Variants in MUC5B observed in about 807,000 individuals in gnomAD.
MUC5B encodes the protein mucin-5B.
Under a neutral mutation model 376.9 loss-of-function variants are expected in MUC5B, and 116 were observed. That is an observed-to-expected ratio of 0.31 (90% CI 0.26 to 0.36). The LOEUF (loss-of-function observed/expected upper bound fraction) is 0.36, where lower values mean the gene tolerates loss of function less well. MUC5B is among the 10% of genes least tolerant of loss of function. MUC5B has a pLI of 1.00. For synonymous variants in MUC5B, 3,517 were observed against 3,390.9 expected, an observed-to-expected ratio of 1.04 and a Z score of -1.29; for missense variants, 7,165 against 7,769.9, an observed-to-expected ratio of 0.92 and a Z score of 2.93.
Position 1,240,883 on chromosome 11 carries a change from C to G in MUC5B, c.4003C>G (p.Arg1335Gly). Reference sequence around the variant, plus strand: ...CCTCCCGGTCTCCACCGTGTGTGTCCGCGAGGTCTGCCGCTGGTCCAGCTG... The same window carrying G: ...CCTCCCGGTCTCCACCGTGTGTGTCGGCGAGGTCTGCCGCTGGTCCAGCTG... ...PALPVSTVCVREVCRWSSWYN... is the reference protein window; with the variant it reads ...PALPVSTVCVGEVCRWSSWYN... The change falls in exon 31 of 49, where the codon CGC (arginine) becomes GGC (glycine). Residue 1335 changes from arginine to glycine, a missense_variant. Arg to Gly is a moderately radical substitution (Grantham distance 125). Around this residue, in one of 31 missense-constraint regions of MUC5B, gnomAD observed 517 missense variants for 545.3 expected, o/e 0.95. Coordinates refer to ENST00000529681, the MANE Select transcript of MUC5B (RefSeq NM_002458.3). The G allele has an allele frequency of 6.2e-7, 1 of 1,611,762 alleles. No homozygotes were observed. The highest frequency in any genetic ancestry group is 1.3e-5 in the African/African-American group (1 of 75,028).
intron 12 of MUC5B, 151 bp from the exon 13 acceptor site, chr11:1,230,785 G>A (rs1360718909): frequency 1.0e-6 from 1 of 1,003,030 alleles, no homozygotes; most frequent in Admixed American, 2.3e-5. Flanking sequence ...TCCTCCCGGG[G>A]GGGCAATTGC....
At position 1,235,422 on chromosome 11, in the gene MUC5B, G is replaced by T; in HGVS notation, c.2880+9G>T. The T allele has an allele frequency of 6.2e-7, 1 of 1,607,784 alleles. No individual in the cohort carries two copies. The highest frequency in any genetic ancestry group is 2.2e-5 in the East Asian group (1 of 44,718). ...TCAAGCTCTTCGTGGAGGTGAGAACGGCCCCAGCTGTGAGCACCCCCGACC... is the reference window on the plus strand; with the variant it reads ...TCAAGCTCTTCGTGGAGGTGAGAACTGCCCCAGCTGTGAGCACCCCCGACC... On this transcript the variant is annotated intron_variant, in intron 23 of 48. Transcript: ENST00000529681.
intron 32 of MUC5B, 34 bp from the exon 33 acceptor site, chr11:1,252,775 G>C: frequency 6.4e-7 from 1 of 1,571,168 alleles, no homozygotes; most frequent in Non-Finnish European, 8.6e-7. Flanking sequence ...CCGTGAGCTG[G>C]TCCAGGTGAG....
In MUC5B at chr11:1,245,888, C is replaced by A. The variant is rs1862443613; in HGVS notation, c.9008C>A (p.Thr3003Asn). The A allele has an allele frequency of 1.9e-6, 3 of 1,613,240 alleles. No homozygotes were observed. Among genetic ancestry groups the A allele is most frequent in the East Asian group, 2.2e-5 (1 of 44,864 alleles). ...LTEQTTAATT[T>N]ATTGSTAIPS... ...GAGCAGACCACAGCAGCCACTACGA[C>A]CGCAACCACTGGATCCACGGCCATC... Residue 3003 changes from threonine to asparagine, a missense_variant, in exon 31 of 49, where the codon ACC becomes AAC. By Grantham distance (65) the Thr-to-Asn change is moderately conservative. Transcript: ENST00000529681.
At position 1,227,373 on chromosome 11, in the gene MUC5B, G is replaced by C; in HGVS notation, c.642G>C (p.Pro214=). ...CGLCGDFNGL[P]AFNEFYAHNA... is the part of the protein sequence containing the mutation. ...TGTGTGGGGACTTCAACGGCCTCCC[G>C]GCCTTCAACGAGTTCTATGCCCACA... Residue 214 remains proline (P), a synonymous_variant, in exon 6 of 49, where the codon CCG becomes CCC. Transcript: ENST00000529681. 1 of 1,612,064 alleles carries C rather than the reference G, an allele frequency of 6.2e-7. No homozygotes were observed. Among genetic ancestry groups the C allele is most frequent in the Non-Finnish European group, 8.5e-7 (1 of 1,179,406 alleles).
chr11:1,245,888 C>G lies in MUC5B; in HGVS notation c.9008C>G (p.Thr3003Ser). ...LTEQTTAATT[T>S]ATTGSTAIPS... ...GAGCAGACCACAGCAGCCACTACGA[C>G]CGCAACCACTGGATCCACGGCCATC... The change falls in exon 31 of 49, where the codon ACC (threonine) becomes AGC (serine). Residue 3003 changes from threonine to serine, a missense_variant. Physicochemically the swap from Thr to Ser is moderately conservative, Grantham distance 58 (BLOSUM62 1). This residue lies in a region of MUC5B where 939 missense variants were observed against 770.6 expected (regional missense o/e 1.22). Coordinates refer to ENST00000529681, the MANE Select transcript of MUC5B (RefSeq NM_002458.3). 6.2e-7 allele frequency: 1 copy of G among 1,613,358 alleles called. No individual in the cohort carries two copies. The highest frequency in any genetic ancestry group is 8.5e-7 in the Non-Finnish European group (1 of 1,179,756).
At chr11:1,256,311 C>T (rs1862833345) in intron 38 of MUC5B, 86 bp downstream of exon 38, 3 of 685,344 alleles carry the variant, frequency 4.4e-6, no homozygotes, top group Admixed American at 2.2e-5. Flanking sequence ...AGAGGGTGTC[C>T]CACTGTGGGC....
chr11:1,247,157 C>A lies in MUC5B; in HGVS notation c.10277C>A (p.Pro3426His), dbSNP rs1225987490. 21 of 1,536,812 alleles carry A rather than the reference C, an allele frequency of 1.4e-5. No individual in the cohort carries two copies. The Admixed American group carries it at 3.2e-4, about 23-fold the overall frequency. Residue 3426 changes from proline to histidine, a missense_variant, in exon 31 of 49, where the codon CCT (proline) becomes CAT (histidine). Around this residue, in one of 31 missense-constraint regions of MUC5B, gnomAD observed 939 missense variants for 770.6 expected, o/e 1.22. Coordinates refer to ENST00000529681, the MANE Select transcript of MUC5B (RefSeq NM_002458.3). Reference protein sequence around the residue: ...PPVLTTTATTPAATSSTVTPS... With the variant: ...PPVLTTTATTHAATSSTVTPS... ...GTGCTGACCACCACCGCCACCACAC[C>A]TGCAGCCACCAGCAGCACAGTGACT...
intron 24 of MUC5B, 105 bp downstream of exon 24, chr11:1,236,667 G>A (rs1453824769): frequency 1.6e-6 from 2 of 1,280,090 alleles, no homozygotes; most frequent in South Asian, 1.5e-5. Context: ...GTGGGTGCGT[G>A]AGCCTGGCTG....
rs547106736 is a variant in MUC5B at position 1,257,932 on chromosome 11, G to A, written c.16451-167G>A. On this transcript the variant is annotated intron_variant, in intron 41 of 48. Coordinates refer to ENST00000529681, the MANE Select transcript of MUC5B (RefSeq NM_002458.3). This position sits in a 1 kb window ranked among gnomAD's most constrained non-coding sequence, Gnocchi z 8.9. ...GCCTGCCCAGGAGTGGCCCAGGGAC[G>A]TGGGAAGCAGCGGGGAGGTGGCCAA... 2.6e-5 allele frequency among the ~76,000 whole-genome samples: 4 copies of A among 152,344 alleles called. No homozygotes were observed.
At chr11:1,227,825 C>T (rs752933898) in intron 7 of MUC5B, 44 bp downstream of exon 7, 2 of 686,750 alleles carry the variant, frequency 2.9e-6, no homozygotes, top group South Asian at 1.5e-5. Context: ...GGACGGCCTC[C>T]AGGTCCAGGG....
chr11:1,231,953 G>A (rs376309855), intron 14 of MUC5B, 43 bp from the exon 15 acceptor site: 311 of 1,610,730 alleles, frequency 1.9e-4, no homozygotes, highest in Non-Finnish European at 2.5e-4. Flanking sequence ...GAGCCAGGTG[G>A]GCCCAACAGT....
Position 1,258,204 on chromosome 11 carries a change from G to A in MUC5B, c.16555+1G>A. 6.3e-6 allele frequency: 10 copies of A among 1,588,818 alleles called. No homozygotes were observed. The highest frequency in any genetic ancestry group is 8.6e-6 in the Non-Finnish European group (10 of 1,169,000). On this transcript the variant is annotated splice_donor_variant, in intron 42 of 48. Transcript: ENST00000529681. LOFTEE classifies it high-confidence loss of function. The surrounding 1 kb of genome is among the most constrained non-coding windows in gnomAD (Gnocchi z 5.5). Reference sequence around the variant, plus strand: ...GACTGCTGTCCCACCTTCCGCTGCAGTGAGCGGGGCTGGGGCCGGGCTCCT... The same window carrying A: ...GACTGCTGTCCCACCTTCCGCTGCAATGAGCGGGGCTGGGGCCGGGCTCCT...
At position 1,238,738 on chromosome 11, in the gene MUC5B, GC is replaced by G. The variant is rs201016403; in HGVS notation, c.3298-129del. 158 of 996,640 alleles carry G rather than the reference GC, an allele frequency of 1.6e-4. 4 individuals are homozygous for G. The African/African-American group carries it at 2.3e-3, about 15-fold the overall frequency. The allele number at this position is 996,640 out of a possible 1,614,324, so 61.7% of individuals were successfully genotyped here. ...TGGGGCACGCTCTGAGGTATTCCAG[GC>G]CCCAGGAGCTCAGAGAGCTGCCATG... On this transcript the variant is annotated intron_variant, in intron 25 of 48. Coordinates refer to ENST00000529681, the MANE Select transcript of MUC5B (RefSeq NM_002458.3).
At position 1,242,410 on chromosome 11, in the gene MUC5B, G is replaced by C. The variant is rs770943328; in HGVS notation, c.5530G>C (p.Gly1844Arg). The C allele has an allele frequency of 9.9e-6, 16 of 1,613,684 alleles. No homozygotes were observed. Among genetic ancestry groups the C allele is most frequent in the East Asian group, 2.2e-5 (1 of 44,894 alleles). The change falls in exon 31 of 49, where the codon GGG (glycine) becomes CGG (arginine). Residue 1844 changes from glycine to arginine, a missense_variant. Around this residue, in one of 31 missense-constraint regions of MUC5B, gnomAD observed 897 missense variants for 779.6 expected, o/e 1.15. Transcript: ENST00000529681. ...NYPEVSIDQV[G>R]QVLTCSLETG... ...CCCCGAGGTAAGCATCGACCAGGTC[G>C]GGCAGGTGCTGACCTGCAGCCTGGA...
rs1477658091 is a variant in MUC5B at position 1,249,031 on chromosome 11, A to G, written c.12151A>G (p.Thr4051Ala). The G allele has an allele frequency of 6.2e-7, 1 of 1,607,378 alleles. No homozygotes were observed. Among genetic ancestry groups the G allele is most frequent in the Non-Finnish European group, 8.5e-7 (1 of 1,178,456 alleles). Residue 4051 changes from threonine to alanine, a missense_variant, in exon 31 of 49, where the codon ACC becomes GCC. Thr to Ala is a moderately conservative substitution (Grantham distance 58). Around this residue, in one of 31 missense-constraint regions of MUC5B, gnomAD observed 85 missense variants for 78.2 expected, o/e 1.09. Coordinates refer to ENST00000529681, the MANE Select transcript of MUC5B (RefSeq NM_002458.3). ...AGAGCCTTCCACGGGGACTTCCCACACCCCAGCAGCAACCACCGGTACCAC... is the reference window on the plus strand; with the variant it reads ...AGAGCCTTCCACGGGGACTTCCCACGCCCCAGCAGCAACCACCGGTACCAC... Reference protein sequence around the residue: ...ITEPSTGTSHTPAATTGTTQH... With the variant: ...ITEPSTGTSHAPAATTGTTQH...
rs1251715779 is a variant in MUC5B, at chr11:1,258,712, C to A, written c.16594-230C>A. Among the ~76,000 whole-genome samples the A allele has an allele frequency of 1.3e-5, 2 of 151,984 alleles. No homozygotes were observed. The highest frequency in any genetic ancestry group is 2.4e-5 in the African/African-American group (1 of 41,352). The stretch of plus-strand genomic sequence containing the variant: ...TTCCTGCCCCCATGGGGTCTCTGCC[C>A]ACCCAGATTCCTGCCCACATGGGGT... On this transcript the variant is annotated intron_variant, in intron 43 of 48. Coordinates refer to ENST00000529681, the MANE Select transcript of MUC5B (RefSeq NM_002458.3). The surrounding 1 kb of genome is among the most constrained non-coding windows in gnomAD (Gnocchi z 5.5).
intron 23 of MUC5B, among the ~76,000 whole-genome samples, chr11:1,235,876 C>G (rs1862145913): frequency 6.6e-6 from 1 of 151,982 alleles, no homozygotes; most frequent in Non-Finnish European, 1.5e-5. Context: ...ATGCTTTCTC[C>G]CAGTGAGGGC....
intron 26 of MUC5B, 165 bp downstream of exon 26, chr11:1,239,192 C>A: frequency 2.0e-6 from 2 of 980,560 alleles, no homozygotes; most frequent in Non-Finnish European, 3.0e-6. Flanking sequence ...CAGAGGAAGA[C>A]CTGTGCAAAA....
Sources: allele counts gnomAD v4.1 joint callset (sites outside exome capture counted in the v4.1 genomes callset), GRCh38; gene constraint gnomAD v4.1.1; regional missense constraint gnomAD v4.1.1; non-coding constraint Gnocchi (gnomAD v3.1); transcripts MANE v1.5; gene names NCBI Gene and HGNC (gene_info 2026-07-23, HGNC 2026-07-21).